CCSER1: variants seen among roughly 807,000 people sequenced by gnomAD.
CCSER1 encodes the protein serine-rich coiled-coil domain-containing protein 1.
Under a neutral mutation model 82.0 loss-of-function variants are expected in CCSER1, and 41 were observed. The observed-to-expected ratio is 0.50, with a 90% CI of 0.39 to 0.65. The LOEUF is 0.65. Ranked by LOEUF, CCSER1 falls within the 30% of genes least tolerant of loss-of-function variation. The pLI, the probability that CCSER1 is intolerant of heterozygous loss-of-function variation, is 0.00. For missense variants in CCSER1, 1,119 were observed against 1,064.2 expected, an observed-to-expected ratio of 1.05 and a Z score of -0.72; for synonymous variants, 414 against 383.9, an observed-to-expected ratio of 1.08 and a Z score of -0.92.
At chr4:90,305,828 G>A (rs115994262) in intron 1 of CCSER1, among the ~76,000 whole-genome samples, 4,798 of 152,212 alleles carry the variant, frequency 0.032, 197 homozygotes, top group African/African-American at 0.096. Context: ...CTACTTCTGG[G>A]TATATAGCCA....
At chr4:91,545,110 C>A (rs1761819258) in intron 10 of CCSER1, among the ~76,000 whole-genome samples, 2 of 152,136 alleles carry the variant, frequency 1.3e-5, no homozygotes, top group African/African-American at 4.8e-5. Context: ...GCTCCGTGAG[C>A]TTGGGACCCT....
intron 10 of CCSER1, among the ~76,000 whole-genome samples, chr4:91,243,560 G>A (rs1309055715): frequency 1.3e-5 from 2 of 151,948 alleles, no homozygotes; most frequent in East Asian, 3.9e-4. Context: ...TTTGTCTTAT[G>A]TGTTAGATAC....
intron 1 of CCSER1, among the ~76,000 whole-genome samples, chr4:90,257,420 T>A (rs1578789757): frequency 6.6e-6 from 1 of 152,076 alleles, no homozygotes; most frequent in East Asian, 1.9e-4. Context: ...TATTTAAAAG[T>A]CAAATGAGCA....
chr4:91,157,241 T>C (rs1730905446), intron 10 of CCSER1, among the ~76,000 whole-genome samples: 1 of 152,096 alleles, frequency 6.6e-6, no homozygotes, highest in African/African-American at 2.4e-5. Flanking sequence ...AAATCAGACT[T>C]ATTTACCAGA....
At chr4:91,371,966 AG>A (rs1750082433) in intron 10 of CCSER1, among the ~76,000 whole-genome samples, 1 of 152,200 alleles carries the variant, frequency 6.6e-6, no homozygotes, top group African/African-American at 2.4e-5. Context: ...CTAGAATGTA[AG>A]GGCTAAATTT....
In CCSER1 at chr4:91,430,017, T is replaced by G. The variant is rs191726562; in HGVS notation, c.2218-168555T>G. On this transcript the variant is annotated intron_variant, in intron 10 of 10. Coordinates refer to ENST00000509176, the MANE Select transcript of CCSER1 (RefSeq NM_001145065.2). The stretch of plus-strand genomic sequence containing the variant: ...GCATTGTGTAACACTTTAAAAAATT[T>G]TTAGCTTTCATTGTTTATATCTCAT... 7.9e-5 allele frequency among the ~76,000 whole-genome samples: 12 copies of G among 152,170 alleles called. No individual in the cohort carries two copies. The East Asian group carries it at 1.7e-3, about 22-fold the overall frequency.
At chr4:90,834,614 A>G (rs1232063614) in intron 8 of CCSER1, among the ~76,000 whole-genome samples, 1 of 152,212 alleles carries the variant, frequency 6.6e-6, no homozygotes, top group Non-Finnish European at 1.5e-5. Context: ...ATCAAATATT[A>G]GATCTGATTT....
intron 4 of CCSER1, among the ~76,000 whole-genome samples, chr4:90,421,051 G>T (rs1382774151): frequency 6.6e-6 from 1 of 152,044 alleles, no homozygotes; most frequent in Non-Finnish European, 1.5e-5. Context: ...TAAAGGAATA[G>T]AATATTTATG....
chr4:91,350,460 C>A (rs1384002794), intron 10 of CCSER1, among the ~76,000 whole-genome samples: 2 of 151,982 alleles, frequency 1.3e-5, no homozygotes, highest in Non-Finnish European at 2.9e-5. Flanking sequence ...TTTTTAGTGT[C>A]ATTTAAATGC....
At chr4:90,343,134 A>T (rs1424875971) in intron 3 of CCSER1, among the ~76,000 whole-genome samples, 3 of 152,196 alleles carry the variant, frequency 2.0e-5, no homozygotes, top group Non-Finnish European at 4.4e-5. Flanking sequence ...TATGTTCAAA[A>T]TAAACTATCC....
intron 3 of CCSER1, among the ~76,000 whole-genome samples, chr4:90,349,886 G>T (rs1348171888): frequency 6.6e-6 from 1 of 151,968 alleles, no homozygotes; most frequent in Non-Finnish European, 1.5e-5. Flanking sequence ...AGTGTTCACA[G>T]TTCCACAGAT....
intron 1 of CCSER1, among the ~76,000 whole-genome samples, chr4:90,217,227 TG>T (rs977990750): frequency 2.8e-4 from 42 of 152,226 alleles, no homozygotes; most frequent in African/African-American, 9.9e-4. Flanking sequence ...GATGGAGTCT[TG>T]CTCCATTTCC....
chr4:91,179,527 C>G (rs1220970907), intron 10 of CCSER1, among the ~76,000 whole-genome samples: 2 of 152,156 alleles, frequency 1.3e-5, no homozygotes, highest in African/African-American at 4.8e-5. Flanking sequence ...CTCTAAACTT[C>G]TCCTCTCGCT....
rs1201827571 is a variant in CCSER1, at chr4:90,298,735, C to T, written c.-41-9509C>T. Among the ~76,000 whole-genome samples, 3 of 152,018 alleles carry T rather than the reference C, an allele frequency of 2.0e-5. No individual in the cohort carries two copies. In the East Asian group the frequency reaches 5.8e-4, roughly 29 times the overall value. The stretch of plus-strand genomic sequence containing the variant: ...TTTCAAAGAACATCTTTATTTCTGC[C>T]TTCATTTCGTTATGTACCCAGTAGT... On this transcript the variant is annotated intron_variant, in intron 1 of 10. Coordinates refer to ENST00000509176, the MANE Select transcript of CCSER1 (RefSeq NM_001145065.2).
chr4:91,528,555 G>A (rs1922223), intron 10 of CCSER1, among the ~76,000 whole-genome samples: 103,084 of 151,984 alleles, frequency 0.68, 35,604 homozygotes, highest in African/African-American at 0.81. Flanking sequence ...AGGTGGTTCT[G>A]TTGATGACAG....
chr4:90,285,309 C>A (rs1428708871), intron 1 of CCSER1, among the ~76,000 whole-genome samples: 1 of 151,940 alleles, frequency 6.6e-6, no homozygotes, highest in Non-Finnish European at 1.5e-5. Flanking sequence ...TGCATATCTT[C>A]TTCAATTTCT....
intron 6 of CCSER1, among the ~76,000 whole-genome samples, chr4:90,718,439 A>G (rs1479443109): frequency 6.6e-6 from 1 of 152,168 alleles, no homozygotes; most frequent in African/African-American, 2.4e-5. Context: ...CTATGGAATT[A>G]TAGCATTCAG....
chr4:91,408,325 C>A (rs1190609833), intron 10 of CCSER1, among the ~76,000 whole-genome samples: 1 of 152,130 alleles, frequency 6.6e-6, no homozygotes, highest in Non-Finnish European at 1.5e-5. Context: ...TTTCACATAA[C>A]AGTATAATTT....
chr4:90,804,919 A>G lies in CCSER1; in HGVS notation c.2011-10843A>G, dbSNP rs575101742. On this transcript the variant is annotated intron_variant, in intron 7 of 10. Coordinates refer to ENST00000509176, the MANE Select transcript of CCSER1 (RefSeq NM_001145065.2). ...CTTTAGTAGGTTATATCATAAGAAC[A>G]TAAATATTGCTGATATACTTGAAAT... is the stretch of plus-strand genomic sequence containing the variant. 2.1e-3 allele frequency among the ~76,000 whole-genome samples: 320 copies of G among 152,336 alleles called. 1 individual carries two copies. Among genetic ancestry groups the G allele is most frequent in the African/African-American group, 7.5e-3 (310 of 41,566 alleles).
Sources: gnomAD v4.1 joint callset for allele counts (sites outside exome capture counted in the v4.1 genomes callset) on GRCh38, gnomAD v4.1.1 for gene constraint, MANE v1.5 for transcripts, NCBI Gene and HGNC (gene_info 2026-07-23, HGNC 2026-07-21) for gene names.